ZFPM2: variants seen among roughly 807,000 people sequenced by gnomAD.
ZFPM2 encodes zinc finger protein ZFPM2.
A neutral mutation model predicts 98.6 loss-of-function variants in ZFPM2; 20 were observed. The ratio of observed to expected loss-of-function variants is 0.20; its 90% CI spans 0.14 to 0.29. ZFPM2 has a LOEUF of 0.29. Among genes scored for constraint, ZFPM2 ranks in the 10% least tolerant of loss-of-function variants. The pLI is 1.00. For synonymous variants in ZFPM2, 518 were observed against 502.7 expected (o/e 1.03, Z -0.41); for missense variants, 1,310 against 1,388.6 (o/e 0.94, Z 0.90).
At chr8:105,593,182 A>G (rs375643001) in intron 4 of ZFPM2, among the ~76,000 whole-genome samples, 10 of 152,252 alleles carry the variant, frequency 6.6e-5, no homozygotes, top group African/African-American at 2.4e-4. Flanking sequence ...TGTTAATGGT[A>G]TCGACATGAG....
intron 5 of ZFPM2, among the ~76,000 whole-genome samples, chr8:105,644,303 A>G (rs1586170065): frequency 1.3e-5 from 2 of 150,492 alleles, no homozygotes; most frequent in Admixed American, 1.3e-4. Context: ...TTTTTAAAAA[A>G]AAAACAGGGT....
At chr8:105,710,663 TTGTGTGTGTGTGTGTGTGTGTGTGTG>T (rs34170034) in intron 5 of ZFPM2, among the ~76,000 whole-genome samples, 1 of 143,812 alleles carries the variant, frequency 7.0e-6, no homozygotes, top group Non-Finnish European at 1.5e-5. Context: ...ATGCACAAAA[TTGTGTGTGTGTGTGTGTGTGTGTGTG>T]TGTGTGTGTG....
chr8:105,734,177 A>G (rs1284884408), intron 5 of ZFPM2, among the ~76,000 whole-genome samples: 1 of 151,950 alleles, frequency 6.6e-6, no homozygotes, highest in Non-Finnish European at 1.5e-5. Context: ...TGTCTTCTGC[A>G]TAAATGCAAA....
intron 1 of ZFPM2, among the ~76,000 whole-genome samples, chr8:105,359,521 C>T (rs1430071761): frequency 4.0e-5 from 6 of 151,776 alleles, no homozygotes; most frequent in Non-Finnish European, 8.8e-5. Context: ...ACTACAGGCA[C>T]GTGCCACCAT....
chr8:105,638,116 C>T (rs1816884061), intron 5 of ZFPM2, among the ~76,000 whole-genome samples: 1 of 151,996 alleles, frequency 6.6e-6, no homozygotes, highest in Non-Finnish European at 1.5e-5. Context: ...GTGTGGGCAT[C>T]ATTCTCAGAT....
At chr8:105,664,766 G>C (rs1817458687) in intron 5 of ZFPM2, among the ~76,000 whole-genome samples, 1 of 152,022 alleles carries the variant, frequency 6.6e-6, no homozygotes, top group South Asian at 2.1e-4. Context: ...AGTTCAGAGG[G>C]ACCTGATTAG....
At chr8:105,325,621 C>A (rs573853481) in intron 1 of ZFPM2, among the ~76,000 whole-genome samples, 4 of 151,824 alleles carry the variant, frequency 2.6e-5, no homozygotes, top group Admixed American at 2.6e-4. Flanking sequence ...TAGAGAGTGG[C>A]AAACTGTTTA....
chr8:105,596,060 A>G (rs1815963606), intron 4 of ZFPM2, among the ~76,000 whole-genome samples: 1 of 151,532 alleles, frequency 6.6e-6, no homozygotes, highest in African/African-American at 2.4e-5. Flanking sequence ...TAATAAAGTT[A>G]CCAAAATAAA....
chr8:105,457,244 T>G (rs941113449), intron 3 of ZFPM2, among the ~76,000 whole-genome samples: 3 of 152,160 alleles, frequency 2.0e-5, no homozygotes, highest in Non-Finnish European at 4.4e-5. Flanking sequence ...ATCTTTGTCT[T>G]TATAATAAAC....
chr8:105,608,168 G>A (rs1402340290), intron 4 of ZFPM2, among the ~76,000 whole-genome samples: 1 of 151,986 alleles, frequency 6.6e-6, no homozygotes, highest in Non-Finnish European at 1.5e-5. Context: ...CGGACACTGG[G>A]GACTACTTGA....
chr8:105,736,507 C>G lies in ZFPM2; in HGVS notation c.533-52211C>G, dbSNP rs117418949. On this transcript the variant is annotated intron_variant, in intron 5 of 7. Coordinates refer to ENST00000407775, the MANE Select transcript of ZFPM2 (RefSeq NM_012082.4). ...CCCAATACTTAGAACATAGGGCAAGCAGTTGGCATTAAATAATTTCTTTCA... is the reference window on the plus strand; with the variant it reads ...CCCAATACTTAGAACATAGGGCAAGGAGTTGGCATTAAATAATTTCTTTCA... Among the ~76,000 whole-genome samples, 25 of 151,942 alleles carry G rather than the reference C, an allele frequency of 1.6e-4. No individual in the cohort carries two copies. In the East Asian group the frequency reaches 4.5e-3, roughly 27 times the overall value.
At chr8:105,551,743 T>A (rs1814857981) in intron 3 of ZFPM2, among the ~76,000 whole-genome samples, 1 of 152,268 alleles carries the variant, frequency 6.6e-6, no homozygotes, top group Non-Finnish European at 1.5e-5. Flanking sequence ...CAGGCAAAAC[T>A]CATTCTAATC....
chr8:105,387,126 C>G (rs188032010), intron 1 of ZFPM2: 1 of 151,782 alleles, frequency 6.6e-6, no homozygotes, highest in Non-Finnish European at 1.5e-5. Context: ...ATTCACAAAC[C>G]CTGAGCTAGA....
At chr8:105,597,452 C>A (rs1469073352) in intron 4 of ZFPM2, among the ~76,000 whole-genome samples, 1 of 151,660 alleles carries the variant, frequency 6.6e-6, no homozygotes, top group East Asian at 1.9e-4. Context: ...CTAAACCTCT[C>A]CCCTGTGTGA....
intron 6 of ZFPM2, chr8:105,798,509 C>A: frequency 2.0e-6 from 1 of 491,632 alleles, no homozygotes; most frequent in Non-Finnish European, 3.6e-6. Flanking sequence ...TCTCCTCTTT[C>A]TCTAGAGTCT....
At chr8:105,685,672 A>C (rs1481609786) in intron 5 of ZFPM2, 1 of 152,124 alleles carries the variant, frequency 6.6e-6, no homozygotes, top group African/African-American at 2.4e-5. Context: ...TGGAAAAAGC[A>C]GATTGCAACT....
intron 3 of ZFPM2, among the ~76,000 whole-genome samples, chr8:105,517,084 C>A (rs545244936): frequency 6.6e-6 from 1 of 152,164 alleles, no homozygotes; most frequent in Non-Finnish European, 1.5e-5. Flanking sequence ...ATTTGTGGAA[C>A]CCTTCACTAC....
At chr8:105,534,446 TCTTC>T (rs199507423) in intron 3 of ZFPM2, among the ~76,000 whole-genome samples, 1,475 of 141,324 alleles carry the variant, frequency 0.01, 21 homozygotes, top group African/African-American at 0.035. Flanking sequence ...TTCCTTCCTC[TCTTC>T]CTTCCTTCCT....
chr8:105,761,737 G>C (rs191244652), intron 5 of ZFPM2, among the ~76,000 whole-genome samples: 1,547 of 151,940 alleles, frequency 0.01, 5 homozygotes, highest in Non-Finnish European at 0.016. Context: ...ATTTAACTCA[G>C]AAAACTGCAG....
Sources: gnomAD v4.1 joint callset for allele counts (sites outside exome capture counted in the v4.1 genomes callset) on GRCh38, gnomAD v4.1.1 for gene constraint, MANE v1.5 for transcripts, NCBI Gene and HGNC (gene_info 2026-07-23, HGNC 2026-07-21) for gene names.